Variants in TRAPPC8 observed in about 807,000 individuals in gnomAD.
TRAPPC8 encodes the protein trafficking protein particle complex subunit 8.
A neutral mutation model predicts 174.3 loss-of-function variants in TRAPPC8; 54 were observed. The observed-to-expected ratio is 0.31, with a 90% CI of 0.25 to 0.39. TRAPPC8 has a LOEUF of 0.39. Ranked by LOEUF, TRAPPC8 falls within the 10% of genes least tolerant of loss-of-function variation. The probability of loss-of-function intolerance (pLI) is 1.00; values close to 1 mark genes in which losing one functional copy is unlikely to be tolerated. For missense variants in TRAPPC8, 1,531 were observed against 1,699.1 expected, an observed-to-expected ratio of 0.90 and a Z score of 1.74; for synonymous variants, 630 against 579.9, an observed-to-expected ratio of 1.09 and a Z score of -1.24.
chr18:31,917,805 T>C (rs1039379582), intron 2 of TRAPPC8, 138 bp from the exon 3 acceptor site: 138 of 699,138 alleles, frequency 2.0e-4, no homozygotes, highest in Non-Finnish European at 5.8e-5. Flanking sequence ...ACCTGTGCTT[T>C]CAGATGTACA....
intron 6 of TRAPPC8, 38 bp from the exon 7 acceptor site, chr18:31,909,048 G>C: frequency 6.4e-7 from 1 of 1,557,062 alleles, no homozygotes; most frequent in Non-Finnish European, 8.7e-7. Context: ...CTCTCAGAAT[G>C]CAACAGAAAA....
At chr18:31,907,049 C>T (rs1162147974) in intron 9 of TRAPPC8, among the ~76,000 whole-genome samples, 1 of 152,076 alleles carries the variant, frequency 6.6e-6, no homozygotes. Context: ...ATTCTGAAAG[C>T]TGATGCAAAA....
chr18:31,835,332 G>A (rs747182054), intron 27 of TRAPPC8, among the ~76,000 whole-genome samples: 5 of 152,086 alleles, frequency 3.3e-5, no homozygotes, highest in Non-Finnish European at 7.3e-5. Context: ...ACTATCTATT[G>A]GCATAATTTT....
At position 31,839,346 on chromosome 18, in the gene TRAPPC8, G is replaced by A. The variant is rs140822966; in HGVS notation, c.3949C>T (p.Pro1317Ser). 422 of 1,609,112 alleles carry A rather than the reference G, an allele frequency of 2.6e-4. 3 individuals carry two copies. Among genetic ancestry groups the A allele is most frequent in the Non-Finnish European group, 5.9e-5 (69 of 1,177,946 alleles). ...SSLIKTSLHYPESFNHPFHQK... is the reference protein window; with the variant it reads ...SSLIKTSLHYSESFNHPFHQK... Reference sequence around the variant, plus strand: ...TGAAATGGATGATTAAATGATTCTGGGTAGTGAAGACTCGTTTTAATGAGA... The same window carrying A: ...TGAAATGGATGATTAAATGATTCTGAGTAGTGAAGACTCGTTTTAATGAGA... Residue 1317 changes from proline (P) to serine (S), a missense_variant, in exon 27 of 29, where the codon CCA becomes TCA. By Grantham distance (74) the Pro-to-Ser change is moderately conservative. Coordinates refer to ENST00000283351, the MANE Select transcript of TRAPPC8 (RefSeq NM_014939.5).
rs376783471 is a variant in TRAPPC8, at chr18:31,936,902, TAAAAAA to T, written c.158-5385_158-5380del. Reference sequence around the variant, plus strand: ...GGGTGACAGAGCAAGACTCCGTCTTTAAAAAAAAAAAAAAAAAAAAAAAAAAGGAGC... The same window carrying T: ...GGGTGACAGAGCAAGACTCCGTCTTTAAAAAAAAAAAAAAAAAAAAGGAGC... On this transcript the variant is annotated intron_variant, in intron 1 of 28. Coordinates refer to ENST00000283351, the MANE Select transcript of TRAPPC8 (RefSeq NM_014939.5). 2.8e-3 allele frequency among the ~76,000 whole-genome samples: 262 copies of T among 92,516 alleles called. 4 individuals carry two copies. Among genetic ancestry groups the T allele is most frequent in the South Asian group, 0.026 (55 of 2,122 alleles). 60.7% of individuals were successfully genotyped at this position (92,516 alleles called of 152,430 possible).
Position 31,942,822 on chromosome 18 carries a change from T to A in TRAPPC8, c.-58A>T. The A allele has an allele frequency of 1.6e-6, 2 of 1,282,728 alleles. No homozygotes were observed. Among genetic ancestry groups the A allele is most frequent in the Non-Finnish European group, 9.9e-7 (1 of 1,010,896 alleles). The allele number at this position is 1,282,728 out of a possible 1,614,324, so 79.5% of individuals were successfully genotyped here. On this transcript the variant is annotated 5_prime_UTR_variant, in exon 1 of 29. Coordinates refer to ENST00000283351, the MANE Select transcript of TRAPPC8 (RefSeq NM_014939.5). ...TCCGGCCCACCCTGCGAGGTTATCC[T>A]GCGGCTGCAGCAGCTACCGCCGCCG... is the stretch of plus-strand genomic sequence containing the variant.
intron 11 of TRAPPC8, among the ~76,000 whole-genome samples, chr18:31,894,292 C>A (rs2036094390): frequency 1.3e-5 from 2 of 151,934 alleles, no homozygotes; most frequent in Non-Finnish European, 2.9e-5. Context: ...AGGAAAATTG[C>A]CCTGAAAAGA....
chr18:31,866,821 A>G, intron 18 of TRAPPC8, 28 bp downstream of exon 18: 1 of 1,598,288 alleles, frequency 6.3e-7, no homozygotes, highest in Middle Eastern at 1.7e-4. Flanking sequence ...AAAGTTTTCT[A>G]ATTGTTTACC....
intron 12 of TRAPPC8, among the ~76,000 whole-genome samples, chr18:31,890,268 C>T (rs2035897338): frequency 6.6e-6 from 1 of 152,180 alleles, no homozygotes; most frequent in Admixed American, 6.5e-5. Flanking sequence ...AGCAACTCAG[C>T]TGCTTCAAGA....
chr18:31,886,155 G>A (rs1405588352), intron 12 of TRAPPC8, among the ~76,000 whole-genome samples: 2 of 151,192 alleles, frequency 1.3e-5, no homozygotes, highest in African/African-American at 2.4e-5. Context: ...ACAGGCATGC[G>A]CCACCATGCC....
At chr18:31,870,192 T>C (rs543748061) in intron 16 of TRAPPC8, 180 bp downstream of exon 16, 11 of 462,584 alleles carry the variant, frequency 2.4e-5, no homozygotes, top group Admixed American at 4.1e-5. Flanking sequence ...TTCACTTCTA[T>C]TCCTTATGTT....
chr18:31,862,541 C>T (rs1443247167), intron 19 of TRAPPC8, among the ~76,000 whole-genome samples: 2 of 152,182 alleles, frequency 1.3e-5, no homozygotes, highest in East Asian at 3.9e-4. Flanking sequence ...TGAGCCTTAT[C>T]TCTTGACAAC....
chr18:31,843,858 T>A (rs908484727), intron 26 of TRAPPC8, among the ~76,000 whole-genome samples: 38 of 152,178 alleles, frequency 2.5e-4, no homozygotes, highest in African/African-American at 9.2e-4. Context: ...ATTTTAAAAC[T>A]GAAAATTATT....
At chr18:31,934,183 C>CAA (rs34727105) in intron 1 of TRAPPC8, among the ~76,000 whole-genome samples, 1 of 131,872 alleles carries the variant, frequency 7.6e-6, no homozygotes, top group Non-Finnish European at 1.6e-5. Context: ...GACTCCCTTT[C>CAA]AAAAAAAAAA....
intron 6 of TRAPPC8, 53 bp downstream of exon 6, chr18:31,909,614 C>T: frequency 1.3e-6 from 2 of 1,569,100 alleles, no homozygotes; most frequent in East Asian, 4.6e-5. Context: ...CATGATCTGA[C>T]AACAGTGCAT....
chr18:31,859,799 C>T (rs559526906), intron 19 of TRAPPC8, among the ~76,000 whole-genome samples: 1 of 152,126 alleles, frequency 6.6e-6, no homozygotes, highest in South Asian at 2.1e-4. Flanking sequence ...GGGCAGATCA[C>T]GAGGTCAGGA....
At chr18:31,923,437 T>C (rs1177728379) in intron 2 of TRAPPC8, among the ~76,000 whole-genome samples, 1 of 152,184 alleles carries the variant, frequency 6.6e-6, no homozygotes, top group East Asian at 1.9e-4. Flanking sequence ...AAATGACCGA[T>C]CTGAAGAAAA....
At position 31,927,584 on chromosome 18, in the gene TRAPPC8, C is replaced by CT. The variant is rs542784329; in HGVS notation, c.352+3744dup. On this transcript the variant is annotated intron_variant, in intron 2 of 28. Coordinates refer to ENST00000283351, the MANE Select transcript of TRAPPC8 (RefSeq NM_014939.5). ...CAGCTAATTTTTTTTAAAAAATTTT[C>CT]TTCAGATGGGGTCTCAATATGTTAC... 2.5e-4 allele frequency among the ~76,000 whole-genome samples: 38 copies of CT among 152,048 alleles called. 2 individuals are homozygous for CT. The highest frequency in any genetic ancestry group is 6.8e-3 in the Middle Eastern group (2 of 294).
chr18:31,830,926 T>C lies in TRAPPC8; in HGVS notation c.4137A>G (p.Gln1379=), dbSNP rs143190837. 5.6e-6 allele frequency: 9 copies of C among 1,614,088 alleles called. No individual in the cohort carries two copies. In the African/African-American group the frequency reaches 9.3e-5, roughly 17 times the overall value. ...TWLGQTQYKL[Q]LKSQEIHSLQ... ...GACTGTGAATCTCCTGGCTTTTAAGTTGAAGTTTATACTGTGTTTGTCCAA... is the reference window on the plus strand; with the variant it reads ...GACTGTGAATCTCCTGGCTTTTAAGCTGAAGTTTATACTGTGTTTGTCCAA... The change falls in exon 29 of 29, where the codon CAA becomes CAG. Residue 1379 remains glutamine (Q), a synonymous_variant. Coordinates refer to ENST00000283351, the MANE Select transcript of TRAPPC8 (RefSeq NM_014939.5).
Sources: allele counts gnomAD v4.1 joint callset (sites outside exome capture counted in the v4.1 genomes callset), GRCh38; gene constraint gnomAD v4.1.1; transcripts MANE v1.5; gene names NCBI Gene and HGNC (gene_info 2026-07-23, HGNC 2026-07-21).